Variants in FAM184A observed in about 807,000 individuals in gnomAD.
FAM184A encodes protein FAM184A.
Under a neutral mutation model 143.8 loss-of-function variants are expected in FAM184A, and 99 were observed. The observed-to-expected ratio is 0.69, with a 90% CI of 0.58 to 0.81. FAM184A has a LOEUF of 0.81. Ranked by LOEUF, FAM184A falls within the 40% of genes least tolerant of loss-of-function variation. FAM184A has a pLI of 0.00. For missense variants in FAM184A, 1,217 were observed against 1,310.5 expected, an observed-to-expected ratio of 0.93 and a Z score of 1.10; for synonymous variants, 427 against 446.4, an observed-to-expected ratio of 0.96 and a Z score of 0.55.
intron 1 of FAM184A, among the ~76,000 whole-genome samples, chr6:119,075,840 T>A (rs555071108): frequency 6.6e-6 from 1 of 152,198 alleles, no homozygotes; most frequent in Non-Finnish European, 1.5e-5. Flanking sequence ...AATAAGTGTA[T>A]ATGACTATAA....
rs1783265857 is a variant in FAM184A at position 118,959,949 on chromosome 6, A to C, written c.*154T>G. ...TAGTACCTTATAGAATGATTCCAAT[A>C]AATATCACAGGAAATACAGTGCATT... is the stretch of plus-strand genomic sequence containing the variant. On this transcript the variant is annotated 3_prime_UTR_variant, in exon 18 of 18. Coordinates refer to ENST00000338891, the MANE Select transcript of FAM184A (RefSeq NM_024581.6). The C allele has an allele frequency of 1.9e-6, 1 of 530,396 alleles. No homozygotes were observed. Among genetic ancestry groups the C allele is most frequent in the Non-Finnish European group, 3.3e-6 (1 of 303,014 alleles). 32.9% of individuals were successfully genotyped at this position (530,396 alleles called of 1,614,324 possible). A position where few individuals can be genotyped will look rare whatever the true frequency, so the allele number is the denominator to read the frequency against.
chr6:118,965,522 G>A (rs544028414), intron 15 of FAM184A, among the ~76,000 whole-genome samples: 1 of 152,314 alleles, frequency 6.6e-6, no homozygotes, highest in South Asian at 2.1e-4. Context: ...ATGTGGGAAG[G>A]CCATAAGTAA....
chr6:119,018,927 A>G (rs552091469), intron 4 of FAM184A, among the ~76,000 whole-genome samples: 1 of 152,266 alleles, frequency 6.6e-6, no homozygotes, highest in East Asian at 1.9e-4. Flanking sequence ...ATAAGGAGTA[A>G]AAGAAACTTA....
chr6:119,067,486 G>C (rs1277860939), intron 1 of FAM184A, among the ~76,000 whole-genome samples: 5 of 152,170 alleles, frequency 3.3e-5, no homozygotes, highest in Admixed American at 2.6e-4. Context: ...AAATTTACAT[G>C]TAACCCCAAA....
At chr6:119,084,931 A>G (rs1788176497) in intron 1 of FAM184A, among the ~76,000 whole-genome samples, 1 of 152,222 alleles carries the variant, frequency 6.6e-6, no homozygotes, top group Non-Finnish European at 1.5e-5. Context: ...CAGAGCAGGG[A>G]GCAGGGTCCT....
chr6:119,028,544 A>C (rs1444073329), intron 1 of FAM184A, among the ~76,000 whole-genome samples: 1 of 152,212 alleles, frequency 6.6e-6, no homozygotes, highest in East Asian at 1.9e-4. Context: ...TCATAAAAAC[A>C]CAAAAGTCAA....
intron 1 of FAM184A, among the ~76,000 whole-genome samples, chr6:119,129,763 A>G (rs147903214): frequency 2.0e-5 from 3 of 152,002 alleles, no homozygotes; most frequent in African/African-American, 7.2e-5. Context: ...ACTTATTTGC[A>G]TAAAAGACTA....
chr6:119,011,469 C>T, intron 5 of FAM184A, 38 bp from the exon 6 acceptor site: 1 of 1,280,638 alleles, frequency 7.8e-7, no homozygotes, highest in Non-Finnish European at 1.1e-6. Flanking sequence ...AACAAAATTG[C>T]AAGTATTATA....
intron 1 of FAM184A, among the ~76,000 whole-genome samples, chr6:119,141,494 AT>A (rs1554199562): frequency 7.4e-6 from 1 of 135,330 alleles, no homozygotes; most frequent in African/African-American, 2.5e-5. Context: ...ATTTTATTTT[AT>A]TTTTTTTGAG....
chr6:119,078,891 T>A (rs1787981629), upstream of FAM184A: 1 of 152,738 alleles, frequency 6.5e-6, no homozygotes, highest in Non-Finnish European at 1.5e-5. The surrounding 1 kb of genome is among the most constrained non-coding windows in gnomAD (Gnocchi z 5.5). Context: ...CGCCAGTGCT[T>A]CCCCCGTGTG....
intron 9 of FAM184A, among the ~76,000 whole-genome samples, chr6:118,995,426 GA>G (rs1198330820): frequency 6.6e-6 from 1 of 151,122 alleles, no homozygotes; most frequent in Non-Finnish European, 1.5e-5. Context: ...CTCCAAAAAA[GA>G]AAAAAAATGT....
chr6:119,140,145 G>A (rs1454814848), intron 1 of FAM184A, among the ~76,000 whole-genome samples: 1 of 152,194 alleles, frequency 6.6e-6, no homozygotes, highest in Non-Finnish European at 1.5e-5. Flanking sequence ...AGGGAGCTTG[G>A]GTACTAGAAT....
chr6:119,005,775 G>A (rs1169078595), intron 7 of FAM184A: 1 of 269,390 alleles, frequency 3.7e-6, no homozygotes, highest in Non-Finnish European at 7.0e-6. Context: ...CAGTTTTATG[G>A]ATTCTTTTTC....
chr6:119,143,772 T>G (rs532458122), intron 1 of FAM184A, among the ~76,000 whole-genome samples: 2 of 152,306 alleles, frequency 1.3e-5, no homozygotes, highest in East Asian at 3.9e-4. Context: ...TAATCCAAGA[T>G]GAGAATTAGG....
Position 119,024,220 on chromosome 6 carries a change from CT to C in FAM184A, c.752del (p.Lys251SerfsTer2). 6.2e-7 allele frequency: 1 copy of C among 1,614,214 alleles called. No homozygotes were observed. The highest frequency in any genetic ancestry group is 8.5e-7 in the Non-Finnish European group (1 of 1,180,034). The part of the protein sequence containing the change: ...RKKLIEDYEG[K>X]LNKAQSFYER... Reference sequence around the variant, plus strand: ...CATAAAAGGACTGAGCTTTATTCAACTTGCCTTCATAATCCTCAATTAGTTT... The same window carrying C: ...CATAAAAGGACTGAGCTTTATTCAACTGCCTTCATAATCCTCAATTAGTTT... On this transcript the variant is annotated frameshift_variant, in exon 2 of 18. Transcript: ENST00000338891. LOFTEE classifies it high-confidence loss of function.
chr6:119,057,359 A>G (rs1248287347), intron 1 of FAM184A, among the ~76,000 whole-genome samples: 1 of 152,204 alleles, frequency 6.6e-6, no homozygotes, highest in African/African-American at 2.4e-5. Context: ...CTTTCTTACT[A>G]CCATATATCT....
intron 1 of FAM184A, among the ~76,000 whole-genome samples, chr6:119,109,792 T>G (rs1477439715): frequency 6.6e-6 from 1 of 152,212 alleles, no homozygotes; most frequent in Non-Finnish European, 1.5e-5. Context: ...CTTCTACTCC[T>G]AAATGCCATT....
intron 1 of FAM184A, among the ~76,000 whole-genome samples, chr6:119,125,741 A>T (rs1433819941): frequency 6.6e-6 from 1 of 152,150 alleles, no homozygotes; most frequent in Admixed American, 6.5e-5. Context: ...GTGGACCAAT[A>T]GGTCAACTTT....
rs768145798 is a variant in FAM184A at position 119,022,969 on chromosome 6, C to T, written c.1126G>A (p.Ala376Thr). 1.9e-6 allele frequency: 3 copies of T among 1,614,188 alleles called. No individual in the cohort carries two copies. Among genetic ancestry groups the T allele is most frequent in the South Asian group, 2.2e-5 (2 of 91,084 alleles). ...CTAGCTTTGAGGACAAGATCTGAAG[C>T]TTGCTGTTGTAAACGTTCTCTGGCA... is the stretch of plus-strand genomic sequence containing the variant. ...AAARERLQQQASDLVLKASHI... is the reference protein window; with the variant it reads ...AAARERLQQQTSDLVLKASHI... The change falls in exon 3 of 18, where the codon GCT becomes ACT. Residue 376 changes from alanine (A) to threonine (T), a missense_variant. Physicochemically the swap from Ala to Thr is moderately conservative, Grantham distance 58. Transcript: ENST00000338891.
Sources: gnomAD v4.1 joint callset for allele counts (sites outside exome capture counted in the v4.1 genomes callset) on GRCh38, gnomAD v4.1.1 for gene constraint, Gnocchi (gnomAD v3.1) non-coding constraint, MANE v1.5 for transcripts, NCBI Gene and HGNC (gene_info 2026-07-23, HGNC 2026-07-21) for gene names.